The following FBP1 variants were observed in gnomAD, a reference collection of about 807,000 sequenced individuals.
FBP1 encodes the protein fructose-bisphosphatase 1.
FBP1 carries 22 observed loss-of-function variants against 29.9 expected under a neutral mutation model. That is an observed-to-expected ratio of 0.74 (90% CI 0.53 to 1.05). The LOEUF is 1.05. Among genes scored for constraint, FBP1 ranks in the 50% least tolerant of loss-of-function variants. The pLI, the probability that FBP1 is intolerant of heterozygous loss-of-function variation, is 0.00. For missense variants in FBP1, 345 were observed against 448.2 expected (o/e 0.77, Z 2.08); for synonymous variants, 175 against 178.6 (o/e 0.98, Z 0.16).
At chr9:94,620,813 G>A (rs188342669) in intron 1 of FBP1, among the ~76,000 whole-genome samples, 6 of 152,340 alleles carry the variant, frequency 3.9e-5, no homozygotes, top group Non-Finnish European at 5.9e-5. Context: ...ACCTAATGTA[G>A]ATGACAGATT....
intron 1 of FBP1, among the ~76,000 whole-genome samples, chr9:94,629,250 G>C (rs924246345): frequency 8.5e-5 from 13 of 152,178 alleles, no homozygotes; most frequent in Non-Finnish European, 1.2e-4. Context: ...AAAGTGCTGG[G>C]ATTACAGGCG....
intron 3 of FBP1, among the ~76,000 whole-genome samples, chr9:94,614,479 G>A (rs1190333616): frequency 4.6e-5 from 7 of 152,090 alleles, no homozygotes; most frequent in South Asian, 2.1e-4. Flanking sequence ...GGCAGAGGTC[G>A]CAGGGAGCTG....
chr9:94,619,895 A>G (rs1316597568), intron 2 of FBP1, among the ~76,000 whole-genome samples: 3 of 103,338 alleles, frequency 2.9e-5, no homozygotes, highest in African/African-American at 9.7e-5. Context: ...AAAAAAAAAA[A>G]AAAAAAAGAA....
At chr9:94,607,391 C>T (rs1248062344) in intron 4 of FBP1, among the ~76,000 whole-genome samples, 7 of 152,288 alleles carry the variant, frequency 4.6e-5, no homozygotes, top group Admixed American at 2.0e-4. Context: ...CAGGATCAGT[C>T]CCTGAGTTAC....
chr9:94,627,977 C>T (rs1828049156), intron 1 of FBP1, among the ~76,000 whole-genome samples: 1 of 152,240 alleles, frequency 6.6e-6, no homozygotes, highest in Non-Finnish European at 1.5e-5. Context: ...CTCAGCCCCA[C>T]TGCCAGAAAA....
chr9:94,607,012 G>A, intron 4 of FBP1, 60 bp from the exon 5 acceptor site: 1 of 1,610,448 alleles, frequency 6.2e-7, no homozygotes, highest in Admixed American at 1.7e-5. Flanking sequence ...CCCCAGGCCT[G>A]GATGAGGCGA....
At chr9:94,606,696 G>A (rs1394954529) in intron 5 of FBP1, 119 bp downstream of exon 5, 18 of 993,106 alleles carry the variant, frequency 1.8e-5, no homozygotes, top group East Asian at 7.8e-5. Flanking sequence ...CCCCACATGA[G>A]GCCCAAGGCC....
Position 94,639,402 on chromosome 9 carries a change from C to CGCAGGTGCGGAGCT in FBP1, c.-106_-93dup, listed in dbSNP as rs1347124878. On this transcript the variant is annotated 5_prime_UTR_variant, in exon 1 of 7. Coordinates refer to ENST00000375326, the MANE Select transcript of FBP1 (RefSeq NM_000507.4). ...GCAAGAGAGGGCAGTAGGCACTGGC[C>CGCAGGTGCGGAGCT]GCAGGTGCGGAGCTGCAGGTGCGGG... The CGCAGGTGCGGAGCT allele has an allele frequency of 2.5e-5, 36 of 1,432,438 alleles. No individual in the cohort carries two copies. The highest frequency in any genetic ancestry group is 3.2e-5 in the Non-Finnish European group (33 of 1,042,148). The allele number at this position is 1,432,438 out of a possible 1,614,324, so 88.7% of individuals were successfully genotyped here.
chr9:94,609,471 G>GT (rs1827751000), intron 4 of FBP1, among the ~76,000 whole-genome samples: 2 of 152,180 alleles, frequency 1.3e-5, no homozygotes, highest in South Asian at 4.1e-4. Flanking sequence ...GAAACATTAT[G>GT]TTTTTTACAA....
chr9:94,639,375 C>T lies in FBP1; in HGVS notation c.-65G>A, dbSNP rs957149631. The T allele has an allele frequency of 1.1e-5, 17 of 1,547,872 alleles. No individual in the cohort carries two copies. Among genetic ancestry groups the T allele is most frequent in the East Asian group, 2.4e-5 (1 of 41,814 alleles). On this transcript the variant is annotated 5_prime_UTR_variant, in exon 1 of 7. Coordinates refer to ENST00000375326, the MANE Select transcript of FBP1 (RefSeq NM_000507.4). ...GCAGGTGCGGGGCTGCAGGTGCGGG[C>T]GGCAAGAGAGGGCAGTAGGCACTGG...
chr9:94,637,589 C>G (rs754451369), intron 1 of FBP1, among the ~76,000 whole-genome samples: 22 of 151,978 alleles, frequency 1.4e-4, no homozygotes, highest in African/African-American at 5.3e-4. Context: ...CGGGGTTTCA[C>G]CATGTTGATC....
intron 1 of FBP1, among the ~76,000 whole-genome samples, chr9:94,633,618 C>T (rs187329433): frequency 6.6e-6 from 1 of 152,152 alleles, no homozygotes; most frequent in Non-Finnish European, 1.5e-5. Context: ...GTCCAGCCGC[C>T]GGGCCTTTTG....
At chr9:94,619,912 ACAGAC>A (rs2131488998) in intron 2 of FBP1, among the ~76,000 whole-genome samples, 1 of 150,660 alleles carries the variant, frequency 6.6e-6, no homozygotes, top group East Asian at 2.0e-4. Context: ...AGAAGCAGAG[ACAGAC>A]CAATAGGGAC....
In FBP1 at chr9:94,620,349, T is replaced by A; in HGVS notation, c.313A>T (p.Ile105Leu). Residue 105 changes from isoleucine to leucine, a missense_variant, in exon 2 of 7, where the codon ATA (isoleucine) becomes TTA (leucine). By Grantham distance (5) the Ile-to-Leu change is conservative. Transcript: ENST00000375326. The part of the protein sequence containing the change: ...LVSEEDKHAI[I>L]VEPEKRGKYV... ...CCCACCCTTTTCTCCGGTTCCACTATGATGGCGTGTTTATCTTCTTCTGAC... is the reference window on the plus strand; with the variant it reads ...CCCACCCTTTTCTCCGGTTCCACTAAGATGGCGTGTTTATCTTCTTCTGAC... The A allele has an allele frequency of 6.2e-7, 1 of 1,614,210 alleles. No homozygotes were observed. The highest frequency in any genetic ancestry group is 1.3e-5 in the African/African-American group (1 of 75,058).
At chr9:94,619,394 A>C (rs951916817) in intron 2 of FBP1, among the ~76,000 whole-genome samples, 2 of 152,082 alleles carry the variant, frequency 1.3e-5, no homozygotes, top group African/African-American at 4.8e-5. Flanking sequence ...AAGCCCATAT[A>C]ACTGCACTTC....
intron 1 of FBP1, among the ~76,000 whole-genome samples, chr9:94,621,213 CAAAAAAAAAAA>C (rs57221045): frequency 2.3e-5 from 1 of 43,984 alleles, no homozygotes; most frequent in African/African-American, 9.4e-5. Flanking sequence ...GACTCCGTCT[CAAAAAAAAAAA>C]AAAAAAAAAA....
At chr9:94,635,880 C>A (rs1828184589) in intron 1 of FBP1, among the ~76,000 whole-genome samples, 2 of 152,084 alleles carry the variant, frequency 1.3e-5, no homozygotes, top group African/African-American at 4.8e-5. Context: ...TGTAGATGTC[C>A]CGATATTAAT....
At chr9:94,624,323 G>A (rs1165665411) in intron 1 of FBP1, among the ~76,000 whole-genome samples, 1 of 105,400 alleles carries the variant, frequency 9.5e-6, no homozygotes, top group Non-Finnish European at 1.8e-5. Flanking sequence ...GGGCGACAAA[G>A]CGAGACTCCA....
At chr9:94,616,885 C>T (rs1318000483) in intron 3 of FBP1, among the ~76,000 whole-genome samples, 2 of 151,790 alleles carry the variant, frequency 1.3e-5, no homozygotes, top group Non-Finnish European at 2.9e-5. Context: ...CCCTCTCCTC[C>T]CTCTCCTCCT....
Sources: gnomAD v4.1 joint callset for allele counts (sites outside exome capture counted in the v4.1 genomes callset) on GRCh38, gnomAD v4.1.1 for gene constraint, MANE v1.5 for transcripts, NCBI Gene and HGNC (gene_info 2026-07-23, HGNC 2026-07-21) for gene names.